Variants in ATP8A1 observed in about 807,000 individuals in gnomAD.
The protein encoded by ATP8A1 is phospholipid-transporting ATPase IA.
Under a neutral mutation model 177.7 loss-of-function variants are expected in ATP8A1, and 90 were observed. The ratio of observed to expected loss-of-function variants is 0.51; its 90% confidence interval spans 0.43 to 0.60. ATP8A1 has a LOEUF of 0.60. Among genes scored for constraint, ATP8A1 ranks in the 20% least tolerant of loss-of-function variants. The pLI is 0.00. For missense variants in ATP8A1, 1,072 were observed against 1,392.8 expected (o/e 0.77, Z 3.67); for synonymous variants, 493 against 485.9 (o/e 1.01, Z -0.19).
At chr4:42,633,727 ACG>A (rs948886946) in intron 1 of ATP8A1, among the ~76,000 whole-genome samples, 2 of 152,228 alleles carry the variant, frequency 1.3e-5, no homozygotes, top group African/African-American at 4.8e-5. Context: ...AATGCCTGGC[ACG>A]TAGTAAGAGT....
At chr4:42,424,658 T>C (rs1270666650) in intron 33 of ATP8A1, among the ~76,000 whole-genome samples, 1 of 152,206 alleles carries the variant, frequency 6.6e-6, no homozygotes, top group Non-Finnish European at 1.5e-5. Flanking sequence ...CAATCAGTCC[T>C]TATCAAACAT....
At chr4:42,474,008 T>C (rs1720779563) in intron 25 of ATP8A1, among the ~76,000 whole-genome samples, 1 of 152,124 alleles carries the variant, frequency 6.6e-6, no homozygotes, top group Admixed American at 6.6e-5. Context: ...CCTCATGACC[T>C]TCCTATGTTG....
rs1251078097 is a variant in ATP8A1, at chr4:42,452,034, C to G, written c.2843G>C (p.Gly948Ala). Residue 948 changes from glycine (G) to alanine (A), a missense_variant, in exon 30 of 37, where the codon GGC becomes GCC. This residue lies in a region of ATP8A1 where 316 missense variants were observed against 459.1 expected (regional missense o/e 0.69). Transcript: ENST00000381668. ...AAACAGAATAACTGAGTGGAAGAGG[C>G]CATTTAAACAATGAACCCAGAAAAC... Reference protein sequence around the residue: ...TKVFWVHCLNGLFHSVILFWF... With the variant: ...TKVFWVHCLNALFHSVILFWF... The G allele has an allele frequency of 6.2e-7, 1 of 1,612,626 alleles. No individual in the cohort carries two copies. The highest frequency in any genetic ancestry group is 8.5e-7 in the Non-Finnish European group (1 of 1,179,292).
intron 1 of ATP8A1, among the ~76,000 whole-genome samples, chr4:42,636,140 A>ACG (rs1272712307): frequency 1.6e-3 from 63 of 38,202 alleles, no homozygotes; most frequent in African/African-American, 4.0e-3. Flanking sequence ...ACACACACAC[A>ACG]CACACACACA....
intron 12 of ATP8A1, among the ~76,000 whole-genome samples, chr4:42,576,367 G>A (rs984437087): frequency 4.7e-5 from 7 of 150,416 alleles, no homozygotes; most frequent in Admixed American, 2.0e-4. Flanking sequence ...TCCCAGCTAC[G>A]GTGGAGGCTG....
intron 24 of ATP8A1, among the ~76,000 whole-genome samples, chr4:42,485,972 T>C (rs532717031): frequency 6.6e-6 from 1 of 152,290 alleles, no homozygotes; most frequent in South Asian, 2.1e-4. Flanking sequence ...CTAACCATCA[T>C]TGTTTGAAAT....
At chr4:42,457,771 A>G (rs1718650002) in intron 27 of ATP8A1, among the ~76,000 whole-genome samples, 1 of 152,192 alleles carries the variant, frequency 6.6e-6, no homozygotes, top group Non-Finnish European at 1.5e-5. Context: ...TCAAATCAAT[A>G]TTTACAGTAA....
intron 32 of ATP8A1, among the ~76,000 whole-genome samples, 157 bp from the exon 33 acceptor site, chr4:42,443,829 G>A (rs987103198): frequency 5.3e-5 from 8 of 152,034 alleles, no homozygotes; most frequent in Non-Finnish European, 8.8e-5. Context: ...TTTTTAATTG[G>A]ATCTTTAAGT....
chr4:42,559,808 C>T (rs1047534518), intron 15 of ATP8A1, among the ~76,000 whole-genome samples: 10 of 152,132 alleles, frequency 6.6e-5, no homozygotes, highest in Non-Finnish European at 1.0e-4. Flanking sequence ...TGGGTTCAAG[C>T]GATTCTCCTG....
In ATP8A1 at chr4:42,560,241, C is replaced by T. The variant is rs535461116; in HGVS notation, c.1341-4201G>A. 2.9e-4 allele frequency among the ~76,000 whole-genome samples: 44 copies of T among 152,128 alleles called. 1 individual carries two copies. Among genetic ancestry groups the T allele is most frequent in the Admixed American group, 2.1e-3 (32 of 15,270 alleles). The stretch of plus-strand genomic sequence containing the variant: ...ATGTATGAATATTTATAGAAGAGAT[C>T]GGTAAAGATACACTTGAAATTAGTC... On this transcript the variant is annotated intron_variant, in intron 15 of 36. Coordinates refer to ENST00000381668, the MANE Select transcript of ATP8A1 (RefSeq NM_006095.2).
At chr4:42,579,690 T>C (rs1363348185) in intron 11 of ATP8A1, 123 bp downstream of exon 11, 4 of 886,908 alleles carry the variant, frequency 4.5e-6, no homozygotes, top group Non-Finnish European at 5.1e-6. Context: ...AAAGATCAAA[T>C]GTCCAGCTAT....
chr4:42,422,942 G>A (rs774794311), intron 34 of ATP8A1, 43 bp from the exon 35 acceptor site: 1 of 1,497,638 alleles, frequency 6.7e-7, no homozygotes, highest in Non-Finnish European at 9.1e-7. Context: ...AAATACTTCT[G>A]TGAAGATTTT....
chr4:42,652,904 A>G (rs1560567157), intron 1 of ATP8A1, among the ~76,000 whole-genome samples: 1 of 145,210 alleles, frequency 6.9e-6, no homozygotes, highest in African/African-American at 2.5e-5. Context: ...CTAAGAGCGG[A>G]CTAACACAAT....
chr4:42,561,283 A>G (rs1032255341), intron 15 of ATP8A1, among the ~76,000 whole-genome samples: 3 of 152,112 alleles, frequency 2.0e-5, no homozygotes, highest in African/African-American at 7.3e-5. Flanking sequence ...CCTCAATTCC[A>G]TTTCAAAGTT....
intron 30 of ATP8A1, among the ~76,000 whole-genome samples, chr4:42,451,102 T>C (rs1717884783): frequency 6.6e-6 from 1 of 152,146 alleles, no homozygotes; most frequent in African/African-American, 2.4e-5. Context: ...TAAATCTTTA[T>C]GGAATTCTGA....
chr4:42,510,978 T>TC (rs1724945682), intron 22 of ATP8A1, among the ~76,000 whole-genome samples: 1 of 152,102 alleles, frequency 6.6e-6, no homozygotes, highest in Non-Finnish European at 1.5e-5. Flanking sequence ...TTAACACAAA[T>TC]CCTTAAGAAG....
At chr4:42,418,369 G>A (rs543623742) in intron 35 of ATP8A1, among the ~76,000 whole-genome samples, 112 of 135,616 alleles carry the variant, frequency 8.3e-4, no homozygotes, top group Middle Eastern at 8.2e-3. Context: ...ATTTGCCTAT[G>A]AAATGCACTG....
intron 1 of ATP8A1, 83 bp from the exon 2 acceptor site, chr4:42,627,192 A>G (rs1738198973): frequency 2.1e-6 from 2 of 962,116 alleles, no homozygotes; most frequent in Non-Finnish European, 3.2e-6. Context: ...CTAGAATATG[A>G]AATCTGTTAA....
intron 4 of ATP8A1, among the ~76,000 whole-genome samples, chr4:42,621,294 A>T (rs1422991520): frequency 6.6e-6 from 1 of 152,236 alleles, no homozygotes; most frequent in Non-Finnish European, 1.5e-5. Flanking sequence ...TAAATGTTCA[A>T]TTGACCCATT....
Sources: gnomAD v4.1 joint callset for allele counts (sites outside exome capture counted in the v4.1 genomes callset) on GRCh38, gnomAD v4.1.1 for gene constraint, gnomAD v4.1.1 regional missense constraint, MANE v1.5 for transcripts, NCBI Gene and HGNC (gene_info 2026-07-23, HGNC 2026-07-21) for gene names.